The following GALNT11 variants were observed in gnomAD, a reference collection of about 807,000 sequenced individuals.
GALNT11 encodes polypeptide N-acetylgalactosaminyltransferase 11, also known as UDP-GalNAc:polypeptide N-acetylgalactosaminyltransferase 11.
Under a neutral mutation model 72.7 loss-of-function variants are expected in GALNT11, and 47 were observed. The observed-to-expected ratio is 0.65, with a 90% CI of 0.51 to 0.82. The LOEUF is 0.82. Among genes scored for constraint, GALNT11 ranks in the 40% least tolerant of loss-of-function variants. The pLI, the probability that GALNT11 is intolerant of heterozygous loss-of-function variation, is 0.00. For synonymous variants in GALNT11, 270 were observed against 286.6 expected, an observed-to-expected ratio of 0.94 and a Z score of 0.58; for missense variants, 677 against 778.4, an observed-to-expected ratio of 0.87 and a Z score of 1.55.
chr7:152,116,826 ATGAG>A, intron 8 of GALNT11: 1 of 472,572 alleles, frequency 2.1e-6, no homozygotes, highest in Non-Finnish European at 4.1e-6. Flanking sequence ...TGTGTTTGTA[ATGAG>A]TATTTAATTA....
At chr7:152,047,556 G>T (rs1037244703) in intron 1 of GALNT11, among the ~76,000 whole-genome samples, 2 of 151,874 alleles carry the variant, frequency 1.3e-5, no homozygotes, top group African/African-American at 2.4e-5. Flanking sequence ...AATTAACCAG[G>T]CATGTTAGTG....
At chr7:152,075,727 C>G (rs567056686) in intron 1 of GALNT11, among the ~76,000 whole-genome samples, 4 of 149,344 alleles carry the variant, frequency 2.7e-5, no homozygotes, top group Admixed American at 1.3e-4. Flanking sequence ...ACCCGGGAGG[C>G]GGAGGTTGCG....
At chr7:152,109,289 G>C (rs2087925492) in intron 6 of GALNT11, among the ~76,000 whole-genome samples, 2 of 152,214 alleles carry the variant, frequency 1.3e-5, no homozygotes, top group South Asian at 4.1e-4. Flanking sequence ...TCCAGTTCTA[G>C]GTTGGCAATA....
At chr7:152,033,684 T>C (rs956244849) in intron 1 of GALNT11, among the ~76,000 whole-genome samples, 5 of 152,204 alleles carry the variant, frequency 3.3e-5, no homozygotes, top group Non-Finnish European at 4.4e-5. Context: ...TCATGGGCTT[T>C]TTCCTAATTC....
chr7:152,066,450 C>T (rs1208095792), intron 1 of GALNT11, among the ~76,000 whole-genome samples: 2 of 151,862 alleles, frequency 1.3e-5, no homozygotes, highest in Non-Finnish European at 2.9e-5. Flanking sequence ...CTGTCCTGCA[C>T]CCACTGTCCA....
rs185287231 is a variant in GALNT11, at chr7:152,061,824, A to C, written c.-38-32366A>C. ...ATTTCTGAGGGCTTTGTTCTGTTCCATTGGTCTATATCTCTGTTTTGGTAC... is the reference window on the plus strand; with the variant it reads ...ATTTCTGAGGGCTTTGTTCTGTTCCCTTGGTCTATATCTCTGTTTTGGTAC... On this transcript the variant is annotated intron_variant, in intron 1 of 11. Transcript: ENST00000430044. Among the ~76,000 whole-genome samples the C allele has an allele frequency of 7.4e-3, 1,131 of 152,122 alleles. 15 individuals are homozygous for C. The highest frequency in any genetic ancestry group is 0.026 in the African/African-American group (1,091 of 41,512).
intron 1 of GALNT11, among the ~76,000 whole-genome samples, chr7:152,028,125 G>A (rs2082121929): frequency 6.6e-6 from 1 of 152,220 alleles, no homozygotes; most frequent in Non-Finnish European, 1.5e-5. Context: ...TTATTGCAAA[G>A]AATGAAAGAG....
At chr7:152,039,537 G>A (rs1266637471) in intron 1 of GALNT11, among the ~76,000 whole-genome samples, 1 of 152,122 alleles carries the variant, frequency 6.6e-6, no homozygotes, top group East Asian at 1.9e-4. Flanking sequence ...GCTTTCCTCA[G>A]GTTTTCTTCC....
chr7:152,113,715 T>C (rs1461189791), intron 8 of GALNT11, among the ~76,000 whole-genome samples: 1 of 5,700 alleles, frequency 1.8e-4, no homozygotes, highest in African/African-American at 6.1e-4. Flanking sequence ...TGGCTTTCTT[T>C]TTTTTTTTTT....
At chr7:152,093,997 C>G in intron 1 of GALNT11, 193 bp from the exon 2 acceptor site, 3 of 425,818 alleles carry the variant, frequency 7.0e-6, no homozygotes, top group Non-Finnish European at 1.2e-5. Context: ...GAGCATTAAC[C>G]CACAGGCCTG....
At chr7:152,067,333 T>C (rs940790895) in intron 1 of GALNT11, among the ~76,000 whole-genome samples, 2 of 152,218 alleles carry the variant, frequency 1.3e-5, no homozygotes, top group East Asian at 1.9e-4. Flanking sequence ...AGAAAGTCCA[T>C]GTGCACAGCC....
intron 2 of GALNT11, 82 bp from the exon 3 acceptor site, chr7:152,100,716 A>T: frequency 6.6e-7 from 1 of 1,526,420 alleles, no homozygotes; most frequent in Non-Finnish European, 8.9e-7. Flanking sequence ...TAAAGTCAGC[A>T]TTTTCTTAAG....
At chr7:152,056,079 G>A (rs1240921999) in intron 1 of GALNT11, among the ~76,000 whole-genome samples, 3 of 152,006 alleles carry the variant, frequency 2.0e-5, no homozygotes, top group Non-Finnish European at 4.4e-5. Flanking sequence ...TTATATAAAT[G>A]GAATCATACA....
chr7:152,042,538 C>T (rs550757393), intron 1 of GALNT11, among the ~76,000 whole-genome samples: 1 of 152,300 alleles, frequency 6.6e-6, no homozygotes, highest in Admixed American at 6.5e-5. Context: ...GGTATAGGTT[C>T]TGGAGGCTTA....
At chr7:152,064,050 A>G (rs1454198320) in intron 1 of GALNT11, among the ~76,000 whole-genome samples, 1 of 152,174 alleles carries the variant, frequency 6.6e-6, no homozygotes, top group African/African-American at 2.4e-5. Context: ...TCTAATGTTG[A>G]CAGTGGGGTG....
chr7:152,076,765 C>T lies in GALNT11; in HGVS notation c.-38-17425C>T, dbSNP rs113728164. Among the ~76,000 whole-genome samples the T allele has an allele frequency of 4.2e-3, 637 of 152,334 alleles. 6 individuals carry two copies. The highest frequency in any genetic ancestry group is 3.9e-3 in the Non-Finnish European group (263 of 68,030). On this transcript the variant is annotated intron_variant, in intron 1 of 11. Coordinates refer to ENST00000430044, the MANE Select transcript of GALNT11 (RefSeq NM_022087.4). ...AATGCTCAAGGGGACCTGCAAACAA[C>T]AGTAACTGCGATGTTTATTTACTGG... is the stretch of plus-strand genomic sequence containing the variant.
At chr7:152,117,496 G>T in intron 9 of GALNT11, 121 bp downstream of exon 9, 2 of 953,978 alleles carry the variant, frequency 2.1e-6, no homozygotes, top group Non-Finnish European at 3.2e-6. Context: ...ACAGGCTTCA[G>T]CTTGCCTTTC....
At chr7:152,049,280 A>G (rs568932518) in intron 1 of GALNT11, among the ~76,000 whole-genome samples, 67 of 152,278 alleles carry the variant, frequency 4.4e-4, no homozygotes, top group African/African-American at 1.6e-3. Flanking sequence ...GACTTTCCAT[A>G]TATTCAAAGG....
Position 152,103,102 on chromosome 7 carries a change from A to G in GALNT11, c.420-10A>G, listed in dbSNP as rs757371563. ...AAAATGTCAGAATTTCCTCATCTTT[A>G]TCTTTACAGATGTAAAGAAAAGTTC... On this transcript the variant is annotated splice_polypyrimidine_tract_variant and intron_variant, in intron 3 of 11. Coordinates refer to ENST00000430044, the MANE Select transcript of GALNT11 (RefSeq NM_022087.4). 1 of 1,589,086 alleles carries G rather than the reference A, an allele frequency of 6.3e-7. No individual in the cohort carries two copies. The highest frequency in any genetic ancestry group is 8.6e-7 in the Non-Finnish European group (1 of 1,160,594).
Sources: gnomAD v4.1 joint callset for allele counts (sites outside exome capture counted in the v4.1 genomes callset) on GRCh38, gnomAD v4.1.1 for gene constraint, MANE v1.5 for transcripts, NCBI Gene and HGNC (gene_info 2026-07-23, HGNC 2026-07-21) for gene names.